LRMDA: variants seen among roughly 807,000 people sequenced by gnomAD.
LRMDA encodes leucine rich melanocyte differentiation associated, also known as leucine-rich melanocyte differentiation-associated protein.
Under a neutral mutation model 29.8 loss-of-function variants are expected in LRMDA, and 18 were observed. The ratio of observed to expected loss-of-function variants is 0.60; its 90% CI spans 0.42 to 0.90. The LOEUF (loss-of-function observed/expected upper bound fraction) is 0.90, where lower values mean the gene tolerates loss of function less well. Among genes scored for constraint, LRMDA ranks in the 40% least tolerant of loss-of-function variants. The pLI is 0.00. For synonymous variants in LRMDA, 125 were observed against 109.4 expected, an observed-to-expected ratio of 1.14 and a Z score of -0.89; for missense variants, 273 against 273.9, an observed-to-expected ratio of 1.00 and a Z score of 0.02.
At chr10:75,879,010 A>G (rs1234260329) in intron 2 of LRMDA, among the ~76,000 whole-genome samples, 1 of 152,128 alleles carries the variant, frequency 6.6e-6, no homozygotes, top group African/African-American at 2.4e-5. Context: ...TCACTTACCT[A>G]GGTCTGCTGT....
chr10:75,757,673 CG>C (rs1461894712), intron 2 of LRMDA, among the ~76,000 whole-genome samples: 2 of 152,064 alleles, frequency 1.3e-5, no homozygotes, highest in Non-Finnish European at 2.9e-5. Flanking sequence ...ATGGTATGTA[CG>C]GTACTTAGAA....
chr10:76,506,834 G>A (rs189894569), intron 6 of LRMDA, among the ~76,000 whole-genome samples: 26 of 151,916 alleles, frequency 1.7e-4, no homozygotes, highest in East Asian at 5.8e-4. Flanking sequence ...TCCATTGTGC[G>A]TATATAACAC....
At chr10:75,572,439 A>G (rs549277144) in intron 2 of LRMDA, among the ~76,000 whole-genome samples, 1 of 152,220 alleles carries the variant, frequency 6.6e-6, no homozygotes, top group East Asian at 1.9e-4. Context: ...GGCAGATAGA[A>G]CAATGCCTAC....
At position 75,672,923 on chromosome 10, in the gene LRMDA, C is replaced by T. The variant is rs567507583; in HGVS notation, c.131+234429C>T. Among the ~76,000 whole-genome samples, 58 of 150,458 alleles carry T rather than the reference C, an allele frequency of 3.9e-4. 1 individual carries two copies. Among genetic ancestry groups the T allele is most frequent in the Middle Eastern group, 6.9e-3 (2 of 288 alleles). The stretch of plus-strand genomic sequence containing the variant: ...GCTTTTAATGGTTCCTAGTTCCTCT[C>T]GGGCTGCCTGATGATGTGATAATCC... On this transcript the variant is annotated intron_variant, in intron 2 of 6. Transcript: ENST00000611255.
rs921449964 is a variant in LRMDA, at chr10:75,935,236, C to T, written c.132-100772C>T. 2.0e-5 allele frequency among the ~76,000 whole-genome samples: 3 copies of T among 152,126 alleles called. No individual in the cohort carries two copies. The East Asian group carries it at 5.8e-4, about 29-fold the overall frequency. On this transcript the variant is annotated intron_variant, in intron 2 of 6. Transcript: ENST00000611255. The stretch of plus-strand genomic sequence containing the variant: ...GCAAGGGTGAAAAATTTAAAACTGC[C>T]CAAGATGGATAGTGAAAACACCATG...
intron 5 of LRMDA, among the ~76,000 whole-genome samples, chr10:76,243,645 G>C (rs949247488): frequency 6.6e-6 from 1 of 152,178 alleles, no homozygotes; most frequent in African/African-American, 2.4e-5. Context: ...GTGTTTCTCT[G>C]TACTGTGGCT....
intron 2 of LRMDA, among the ~76,000 whole-genome samples, chr10:75,871,815 A>T (rs1166117951): frequency 6.6e-6 from 1 of 151,818 alleles, no homozygotes; most frequent in Non-Finnish European, 1.5e-5. Context: ...TCCCCTACTC[A>T]CCTTTACCCT....
At chr10:75,874,148 C>T (rs1845158330) in intron 2 of LRMDA, among the ~76,000 whole-genome samples, 1 of 152,098 alleles carries the variant, frequency 6.6e-6, no homozygotes, top group Non-Finnish European at 1.5e-5. Context: ...GGTACATATG[C>T]CTTAGACTTA....
At chr10:75,980,613 TGCAGGGA>T (rs1847151776) in intron 2 of LRMDA, among the ~76,000 whole-genome samples, 1 of 151,984 alleles carries the variant, frequency 6.6e-6, no homozygotes, top group Non-Finnish European at 1.5e-5. Context: ...AGCAGCATGA[TGCAGGGA>T]TTAGGGGACA....
chr10:75,645,844 T>G (rs1841513177), intron 2 of LRMDA, among the ~76,000 whole-genome samples: 1 of 152,138 alleles, frequency 6.6e-6, no homozygotes, highest in South Asian at 2.1e-4. Context: ...GGTAGCCACT[T>G]GCATTTATTC....
intron 6 of LRMDA, among the ~76,000 whole-genome samples, chr10:76,454,600 C>T (rs1203041021): frequency 6.6e-6 from 1 of 152,074 alleles, no homozygotes; most frequent in African/African-American, 2.4e-5. Flanking sequence ...TCAGCTAGAC[C>T]AAGCTGTTCT....
At chr10:76,278,052 A>T (rs1160958915) in intron 5 of LRMDA, among the ~76,000 whole-genome samples, 1 of 152,202 alleles carries the variant, frequency 6.6e-6, no homozygotes, top group Non-Finnish European at 1.5e-5. Flanking sequence ...AAGAAGGAGA[A>T]GAGAAGAATG....
intron 6 of LRMDA, among the ~76,000 whole-genome samples, chr10:76,444,681 T>C (rs1190812822): frequency 1.3e-5 from 2 of 152,034 alleles, no homozygotes; most frequent in Non-Finnish European, 1.5e-5. Flanking sequence ...CGTTGACGAA[T>C]GCAAGAGCCT....
intron 6 of LRMDA, among the ~76,000 whole-genome samples, chr10:76,371,142 A>G (rs1015801168): frequency 1.9e-4 from 29 of 152,172 alleles, no homozygotes; most frequent in Admixed American, 5.2e-4. Flanking sequence ...GCTTTCAGAC[A>G]TTAGATAAGT....
chr10:76,179,242 G>T (rs776546577), intron 5 of LRMDA, among the ~76,000 whole-genome samples: 2 of 152,082 alleles, frequency 1.3e-5, no homozygotes, highest in East Asian at 1.9e-4. Flanking sequence ...CAAGGAGGGG[G>T]GGGTGGTGGA....
intron 2 of LRMDA, among the ~76,000 whole-genome samples, chr10:75,638,957 C>T (rs1423199163): frequency 2.0e-5 from 3 of 152,112 alleles, no homozygotes; most frequent in African/African-American, 4.8e-5. Flanking sequence ...CAAATGTAAG[C>T]AAAAGTGAAG....
intron 2 of LRMDA, among the ~76,000 whole-genome samples, chr10:75,880,297 A>G (rs979088882): frequency 1.3e-5 from 2 of 152,232 alleles, no homozygotes; most frequent in Non-Finnish European, 2.9e-5. Context: ...GGAATATATT[A>G]GAAACTGTCA....
At chr10:76,380,718 A>C (rs1308741713) in intron 6 of LRMDA, among the ~76,000 whole-genome samples, 4 of 151,404 alleles carry the variant, frequency 2.6e-5, no homozygotes, top group Admixed American at 2.0e-4. Flanking sequence ...ATAGCCTATA[A>C]ATTTAAATAT....
chr10:75,708,580 G>A lies in LRMDA; in HGVS notation c.131+270086G>A, dbSNP rs79344486. 2.8e-4 allele frequency among the ~76,000 whole-genome samples: 42 copies of A among 152,154 alleles called. No homozygotes were observed. In the East Asian group the frequency reaches 6.8e-3, roughly 25 times the overall value. ...TGTGGGATTTGCAGTTTAGGCTCTC[G>A]TCATCAAAGCGATGTGATCCCTGGG... On this transcript the variant is annotated intron_variant, in intron 2 of 6. Transcript: ENST00000611255.
Sources: gnomAD v4.1 joint callset for allele counts (sites outside exome capture counted in the v4.1 genomes callset) on GRCh38, gnomAD v4.1.1 for gene constraint, MANE v1.5 for transcripts, NCBI Gene and HGNC (gene_info 2026-07-23, HGNC 2026-07-21) for gene names.